The following SLC4A10 variants were observed in gnomAD, a reference collection of about 807,000 sequenced individuals.
SLC4A10 encodes solute carrier family 4 member 10.
In SLC4A10, 42 loss-of-function variants were observed where a neutral mutation model predicts 137.7. The observed-to-expected ratio is 0.30, with a 90% CI of 0.24 to 0.39. The LOEUF is 0.39. Ranked by LOEUF, SLC4A10 falls within the 10% of genes least tolerant of loss-of-function variation. The pLI is 1.00. For missense variants in SLC4A10, 925 were observed against 1,355.0 expected (o/e 0.68, Z 4.98); for synonymous variants, 474 against 464.1 (o/e 1.02, Z -0.27).
intron 1 of SLC4A10, among the ~76,000 whole-genome samples, chr2:161,719,158 G>C (rs1400321041): frequency 6.6e-6 from 1 of 151,960 alleles, no homozygotes; most frequent in Admixed American, 6.6e-5. Flanking sequence ...GCAGTGTTTG[G>C]TTTTCTCTCC....
chr2:161,932,599 A>G lies in SLC4A10; in HGVS notation c.1998-10193A>G, dbSNP rs77035137. Among the ~76,000 whole-genome samples, 1,027 of 152,272 alleles carry G rather than the reference A, an allele frequency of 6.7e-3. 18 individuals are homozygous for G. Among genetic ancestry groups the G allele is most frequent in the African/African-American group, 0.024 (999 of 41,538 alleles). ...GAGTCCCAAACTGGGACTCAGGATC[A>G]GATCATGGAGGAACATGAAACTCTT... On this transcript the variant is annotated intron_variant, in intron 15 of 26. Transcript: ENST00000446997.
At chr2:161,629,153 A>G (rs566710127) in intron 1 of SLC4A10, among the ~76,000 whole-genome samples, 2 of 152,104 alleles carry the variant, frequency 1.3e-5, no homozygotes, top group South Asian at 4.2e-4. Flanking sequence ...CATATCACAT[A>G]GGACACATGA....
At chr2:161,868,834 T>A (rs1191070130) in intron 6 of SLC4A10, among the ~76,000 whole-genome samples, 1 of 151,670 alleles carries the variant, frequency 6.6e-6, no homozygotes, top group Admixed American at 6.6e-5. Flanking sequence ...TAACTTACCA[T>A]GAATATAATA....
At chr2:161,744,366 T>C (rs940378191) in intron 1 of SLC4A10, among the ~76,000 whole-genome samples, 7 of 152,204 alleles carry the variant, frequency 4.6e-5, no homozygotes, top group African/African-American at 1.7e-4. Context: ...TCAAATTCTT[T>C]TTCAGTATCG....
At chr2:161,876,063 C>T (rs542318238) in intron 8 of SLC4A10, among the ~76,000 whole-genome samples, 1 of 152,280 alleles carries the variant, frequency 6.6e-6, no homozygotes, top group African/African-American at 2.4e-5. Flanking sequence ...AGAAATGTAA[C>T]TGTTTCTCAT....
At chr2:161,911,817 T>A (rs1247463877) in intron 15 of SLC4A10, among the ~76,000 whole-genome samples, 1 of 152,054 alleles carries the variant, frequency 6.6e-6, no homozygotes, top group Non-Finnish European at 1.5e-5. Flanking sequence ...CACATATAGT[T>A]TCCCCCCTAA....
intron 15 of SLC4A10, among the ~76,000 whole-genome samples, chr2:161,919,521 C>G (rs1687753024): frequency 6.6e-6 from 1 of 152,168 alleles, no homozygotes; most frequent in South Asian, 2.1e-4. Context: ...ATGGGACCAC[C>G]TGCCTGCAGA....
intron 1 of SLC4A10, among the ~76,000 whole-genome samples, chr2:161,747,535 G>C (rs1406320791): frequency 1.3e-5 from 2 of 152,004 alleles, no homozygotes; most frequent in Non-Finnish European, 2.9e-5. Context: ...CCTGATTTTT[G>C]GTTCTTATGA....
intron 15 of SLC4A10, among the ~76,000 whole-genome samples, chr2:161,920,869 C>A (rs760317720): frequency 6.6e-6 from 1 of 152,172 alleles, no homozygotes; most frequent in Non-Finnish European, 1.5e-5. Context: ...ATTGATCTTC[C>A]TTGTGTATGT....
chr2:161,849,721 T>G (rs2059715231), intron 4 of SLC4A10, among the ~76,000 whole-genome samples: 1 of 152,224 alleles, frequency 6.6e-6, no homozygotes, highest in Non-Finnish European at 1.5e-5. Flanking sequence ...TTGCATATGT[T>G]GAACCAAACT....
At chr2:161,844,187 C>T (rs961091134) in intron 4 of SLC4A10, among the ~76,000 whole-genome samples, 2 of 152,102 alleles carry the variant, frequency 1.3e-5, no homozygotes, top group South Asian at 2.1e-4. Flanking sequence ...CAGGGGGTAG[C>T]GTTAGGCTTC....
chr2:161,882,299 T>C lies in SLC4A10; in HGVS notation c.1107-58T>C, dbSNP rs991381885. Reference sequence around the variant, plus strand: ...TTCCTTTGAGATGAGTGATTCTGTATTACTAAAATTATTTTTATATTTCTA... The same window carrying C: ...TTCCTTTGAGATGAGTGATTCTGTACTACTAAAATTATTTTTATATTTCTA... On this transcript the variant is annotated intron_variant, in intron 9 of 26. Transcript: ENST00000446997. 1.5e-5 allele frequency: 15 copies of C among 1,017,340 alleles called. No homozygotes were observed. The Admixed American group carries it at 1.7e-4, about 12-fold the overall frequency. The allele number at this position is 1,017,340 out of a possible 1,614,324, so 63.0% of individuals were successfully genotyped here.
chr2:161,966,396 ATTG>A (rs1006936573), intron 23 of SLC4A10, among the ~76,000 whole-genome samples: 4 of 152,204 alleles, frequency 2.6e-5, no homozygotes, highest in Non-Finnish European at 5.9e-5. Flanking sequence ...ATATTATACA[ATTG>A]TTATTATTTA....
intron 2 of SLC4A10, among the ~76,000 whole-genome samples, chr2:161,785,613 A>G (rs551614833): frequency 4.6e-5 from 7 of 151,848 alleles, no homozygotes; most frequent in Non-Finnish European, 1.0e-4. Context: ...CAGAGTAAAG[A>G]ACAAAAAATA....
rs772913285 is a variant in SLC4A10, at chr2:161,786,806, A to G, written c.130+15752A>G. Among the ~76,000 whole-genome samples the G allele has an allele frequency of 9.3e-5, 14 of 150,930 alleles. 1 individual carries two copies. The highest frequency in any genetic ancestry group is 2.1e-4 in the Non-Finnish European group (14 of 67,666). ...ATATTCTTTTATGACATAAAAGAGT[A>G]TACTCTTTTCTGTTCAAAGTTTATG... On this transcript the variant is annotated intron_variant, in intron 2 of 26. Coordinates refer to ENST00000446997, the MANE Select transcript of SLC4A10 (RefSeq NM_001178015.2).
intron 3 of SLC4A10, among the ~76,000 whole-genome samples, chr2:161,835,712 G>T (rs911184648): frequency 6.6e-6 from 1 of 152,116 alleles, no homozygotes; most frequent in African/African-American, 2.4e-5. Context: ...TGATAGGATT[G>T]CCCTCAGCTA....
At chr2:161,645,916 CA>C (rs2035968587) in intron 1 of SLC4A10, among the ~76,000 whole-genome samples, 1 of 151,812 alleles carries the variant, frequency 6.6e-6, no homozygotes, top group Admixed American at 6.6e-5. Context: ...AGCATTTACC[CA>C]GGGGTGGGGA....
At chr2:161,946,490 A>G (rs1693830734) in intron 16 of SLC4A10, among the ~76,000 whole-genome samples, 1 of 152,042 alleles carries the variant, frequency 6.6e-6, no homozygotes, top group Non-Finnish European at 1.5e-5. Flanking sequence ...TTTGTCTCCA[A>G]GATCTCTCTG....
chr2:161,696,064 T>TC (rs1173994997), intron 1 of SLC4A10, among the ~76,000 whole-genome samples: 2 of 150,820 alleles, frequency 1.3e-5, no homozygotes, highest in Non-Finnish European at 3.0e-5. Flanking sequence ...CCACCCCACT[T>TC]CCCCCCACCC....
Sources: allele counts gnomAD v4.1 joint callset (sites outside exome capture counted in the v4.1 genomes callset), GRCh38; gene constraint gnomAD v4.1.1; transcripts MANE v1.5; gene names NCBI Gene and HGNC (gene_info 2026-07-23, HGNC 2026-07-21).